SCGB2B2: variants seen among roughly 807,000 people sequenced by gnomAD.
The protein encoded by SCGB2B2 is secretoglobin family 2B member 2.
Under a neutral mutation model 7.6 loss-of-function variants are expected in SCGB2B2, and 11 were observed. The ratio of observed to expected loss-of-function variants is 1.45; its 90% CI spans 0.91 to 2.40. The LOEUF is 2.40. Ranked by LOEUF, SCGB2B2 falls within the 30% of genes most tolerant of loss-of-function variation. SCGB2B2 has a pLI of 0.00. For synonymous variants in SCGB2B2, 50 were observed against 48.6 expected, an observed-to-expected ratio of 1.03 and a Z score of -0.12; for missense variants, 104 against 115.4, an observed-to-expected ratio of 0.90 and a Z score of 0.45.
At position 34,592,423 on chromosome 19, in the gene SCGB2B2, G is replaced by A. The variant is rs2065320809; in HGVS notation, c.*1132C>T. Among the ~76,000 whole-genome samples, 1 of 152,132 alleles carries A rather than the reference G, an allele frequency of 6.6e-6. No homozygotes were observed. Among genetic ancestry groups the A allele is most frequent in the South Asian group, 2.1e-4 (1 of 4,816 alleles). ...AGGCAGGGAGACTCAGAGGGATGGAGGTCTCGCTGACCTGAGCAGGAGGGA... is the reference window on the plus strand; with the variant it reads ...AGGCAGGGAGACTCAGAGGGATGGAAGTCTCGCTGACCTGAGCAGGAGGGA... On this transcript the variant is annotated 3_prime_UTR_variant, in exon 4 of 4. Transcript: ENST00000601241.
intron 1 of SCGB2B2, among the ~76,000 whole-genome samples, chr19:34,656,742 A>G (rs944542436): frequency 6.6e-6 from 1 of 151,414 alleles, no homozygotes; most frequent in Non-Finnish European, 1.5e-5. Context: ...TAGAATCTGA[A>G]CGAAGGGTAA....
intron 1 of SCGB2B2, among the ~76,000 whole-genome samples, chr19:34,644,349 TG>T (rs1051070528): frequency 1.1e-4 from 14 of 124,504 alleles, no homozygotes; most frequent in East Asian, 4.6e-4. Flanking sequence ...CTTGTTTTTT[TG>T]TTTTTTTTTT....
chr19:34,620,519 G>GA (rs1160985644), intron 1 of SCGB2B2, among the ~76,000 whole-genome samples: 1 of 134,216 alleles, frequency 7.5e-6, no homozygotes, highest in Non-Finnish European at 1.6e-5. Context: ...CACACACCAG[G>GA]GTGGGGGGAG....
At chr19:34,643,965 T>C (rs565450185) in intron 1 of SCGB2B2, among the ~76,000 whole-genome samples, 20 of 152,158 alleles carry the variant, frequency 1.3e-4, no homozygotes, top group South Asian at 2.1e-4. Context: ...TACAAGAAGG[T>C]AGGAAAGGTA....
intron 1 of SCGB2B2, chr19:34,608,905 T>C (rs1212632405): frequency 6.6e-6 from 1 of 151,886 alleles, no homozygotes; most frequent in Non-Finnish European, 1.5e-5. Context: ...GAAACCTCCA[T>C]ATCATAATGC....
chr19:34,611,191 A>G (rs1016605769), intron 1 of SCGB2B2, among the ~76,000 whole-genome samples: 1 of 141,776 alleles, frequency 7.1e-6, no homozygotes, highest in African/African-American at 2.5e-5. Flanking sequence ...TTTTGGTTTT[A>G]TTTACTTGTG....
At chr19:34,601,006 T>C (rs1392746705) in intron 1 of SCGB2B2, among the ~76,000 whole-genome samples, 1 of 152,192 alleles carries the variant, frequency 6.6e-6, no homozygotes, top group Non-Finnish European at 1.5e-5. Context: ...TAAAGAGTTG[T>C]AAAGTCTTTA....
At chr19:34,611,319 T>C (rs2065920748) in intron 1 of SCGB2B2, among the ~76,000 whole-genome samples, 1 of 152,182 alleles carries the variant, frequency 6.6e-6, no homozygotes, top group Non-Finnish European at 1.5e-5. Context: ...TTTTATTTAC[T>C]TCTGCTGTGA....
intron 1 of SCGB2B2, among the ~76,000 whole-genome samples, chr19:34,672,802 C>G (rs2067834608): frequency 1.3e-5 from 2 of 152,180 alleles, no homozygotes; most frequent in Non-Finnish European, 2.9e-5. Flanking sequence ...ATACACGACA[C>G]CTTCTTCCAT....
chr19:34,592,160 AAGG>A lies in SCGB2B2; in HGVS notation c.*1392_*1394del, dbSNP rs1433472408. 6.6e-6 allele frequency among the ~76,000 whole-genome samples: 1 copy of A among 152,072 alleles called. No individual in the cohort carries two copies. The highest frequency in any genetic ancestry group is 1.5e-5 in the Non-Finnish European group (1 of 67,992). On this transcript the variant is annotated 3_prime_UTR_variant, in exon 4 of 4. Transcript: ENST00000601241. Reference sequence around the variant, plus strand: ...GAGGAGATGACGGCTGAGGGATGACAAGGAGAATGGGTGGAAGGGAGAAAGGGC... The same window carrying A: ...GAGGAGATGACGGCTGAGGGATGACAAGAATGGGTGGAAGGGAGAAAGGGC...
downstream of SCGB2B2, among the ~76,000 whole-genome samples, chr19:34,588,871 G>A (rs190902707): frequency 3.4e-3 from 217 of 63,342 alleles, no homozygotes; most frequent in Middle Eastern, 0.011. Context: ...ACCTGGAGAA[G>A]GTCAAGTGTT....
chr19:34,627,094 A>G (rs2066398531), intron 1 of SCGB2B2, among the ~76,000 whole-genome samples: 1 of 152,212 alleles, frequency 6.6e-6, no homozygotes, highest in African/African-American at 2.4e-5. Flanking sequence ...GCCCTACAAG[A>G]GCTCCTGAAG....
chr19:34,587,959 G>A (rs998844630), downstream of SCGB2B2, among the ~76,000 whole-genome samples: 10 of 152,250 alleles, frequency 6.6e-5, no homozygotes, highest in East Asian at 1.7e-3. Flanking sequence ...TTGCATCCAC[G>A]TTTATCAGTG....
At chr19:34,640,633 T>G (rs745656653) in intron 1 of SCGB2B2, 4 of 152,228 alleles carry the variant, frequency 2.6e-5, no homozygotes, top group Non-Finnish European at 5.9e-5. Context: ...AGTTAATCAT[T>G]TTAACTATGT....
intron 1 of SCGB2B2, among the ~76,000 whole-genome samples, chr19:34,644,032 T>C (rs932391299): frequency 6.6e-6 from 1 of 152,172 alleles, no homozygotes; most frequent in Non-Finnish European, 1.5e-5. Context: ...TATGAGTATA[T>C]CAACAACAGA....
rs370394486 is a variant in SCGB2B2 at position 34,602,981 on chromosome 19, T to A, written c.-2031-6387A>T. ...TGTAAGGTTAGAGTGGTTTCCTCAT[T>A]AAGTATTTGCCAGAACTTTCCAGAA... On this transcript the variant is annotated intron_variant, in intron 1 of 3. Transcript: ENST00000601241. Among the ~76,000 whole-genome samples the A allele has an allele frequency of 5.1e-4, 77 of 152,320 alleles. 2 individuals carry two copies. The South Asian group carries it at 0.016, about 32-fold the overall frequency.
chr19:34,624,075 C>G (rs530730510), intron 1 of SCGB2B2, among the ~76,000 whole-genome samples: 4 of 152,196 alleles, frequency 2.6e-5, no homozygotes, highest in Admixed American at 2.0e-4. Flanking sequence ...CAGAAAAATC[C>G]TATTTTGCTA....
intron 1 of SCGB2B2, among the ~76,000 whole-genome samples, chr19:34,629,039 T>C (rs1406286496): frequency 2.6e-5 from 4 of 151,940 alleles, no homozygotes; most frequent in African/African-American, 7.2e-5. Context: ...TCTCAATAGA[T>C]GCAGAAAAGG....
intron 1 of SCGB2B2, among the ~76,000 whole-genome samples, chr19:34,670,670 C>A (rs1250857715): frequency 6.6e-6 from 1 of 152,148 alleles, no homozygotes; most frequent in Non-Finnish European, 1.5e-5. Flanking sequence ...AGTCTTCTAG[C>A]CTATGGCTCT....
Sources: gnomAD v4.1 joint callset for allele counts (sites outside exome capture counted in the v4.1 genomes callset) on GRCh38, gnomAD v4.1.1 for gene constraint, MANE v1.5 for transcripts, NCBI Gene and HGNC (gene_info 2026-07-23, HGNC 2026-07-21) for gene names.